NVL: variants seen among roughly 807,000 people sequenced by gnomAD.
NVL encodes the protein nuclear VCP like.
NVL carries 84 observed loss-of-function variants against 110.2 expected under a neutral mutation model. The ratio of observed to expected loss-of-function variants is 0.76; its 90% CI spans 0.64 to 0.91. NVL has a LOEUF of 0.91. Among genes scored for constraint, NVL ranks in the 40% least tolerant of loss-of-function variants. NVL has a pLI of 0.00. For missense variants in NVL, 882 were observed against 1,035.9 expected (o/e 0.85, Z 2.04); for synonymous variants, 354 against 361.1 (o/e 0.98, Z 0.22).
At chr1:224,255,788 C>G (rs1215411716) in intron 18 of NVL, among the ~76,000 whole-genome samples, 1 of 152,186 alleles carries the variant, frequency 6.6e-6, no homozygotes, top group African/African-American at 2.4e-5. Flanking sequence ...TATAGGAAAT[C>G]TTTGCTTAAT....
rs570988456 is a variant in NVL at position 224,235,924 on chromosome 1, C to A, written c.2366+582G>T. On this transcript the variant is annotated intron_variant, in intron 20 of 22. Coordinates refer to ENST00000281701, the MANE Select transcript of NVL (RefSeq NM_002533.4). ...CTCCAGCCTGGGTGAAAGAGGGAAACCCTGTATGGAAAAAAAAAAAAGAAA... is the reference window on the plus strand; with the variant it reads ...CTCCAGCCTGGGTGAAAGAGGGAAAACCTGTATGGAAAAAAAAAAAAGAAA... Among the ~76,000 whole-genome samples, 27 of 129,262 alleles carry A rather than the reference C, an allele frequency of 2.1e-4. 2 individuals carry two copies. In the South Asian group the frequency reaches 4.2e-3, roughly 20 times the overall value. 84.8% of individuals were successfully genotyped at this position (129,262 alleles called of 152,430 possible).
chr1:224,313,139 A>G (rs772097081), intron 4 of NVL: 3 of 292,132 alleles, frequency 1.0e-5, no homozygotes, highest in South Asian at 8.6e-5. Flanking sequence ...AGCCTGGGTG[A>G]CAGAGCGAGA....
Position 224,330,142 on chromosome 1 carries a change from A to C in NVL, c.-15T>G, listed in dbSNP as rs747865870. The C allele has an allele frequency of 1.1e-5, 17 of 1,613,682 alleles. No individual in the cohort carries two copies. Among genetic ancestry groups the C allele is most frequent in the Non-Finnish European group, 1.4e-5 (17 of 1,179,766 alleles). On this transcript the variant is annotated 5_prime_UTR_variant, in exon 1 of 23. Transcript: ENST00000281701. The stretch of plus-strand genomic sequence containing the variant: ...CTGGGCTTCATCGCGTCGGTCTTCC[A>C]AGCCACAGCTCGGACCGCCAGCTCC...
chr1:224,329,373 G>C (rs1671458730), intron 1 of NVL, among the ~76,000 whole-genome samples: 1 of 152,206 alleles, frequency 6.6e-6, no homozygotes, highest in Non-Finnish European at 1.5e-5. Context: ...TAAGAGAACA[G>C]TGGCACAGAG....
intron 18 of NVL, among the ~76,000 whole-genome samples, chr1:224,261,066 G>A (rs1663923455): frequency 6.6e-6 from 1 of 151,942 alleles, no homozygotes; most frequent in Non-Finnish European, 1.5e-5. Flanking sequence ...AGTAGAGACG[G>A]GGTTTCACCA....
At chr1:224,259,621 T>C (rs776705405) in intron 18 of NVL, among the ~76,000 whole-genome samples, 22 of 152,090 alleles carry the variant, frequency 1.4e-4, no homozygotes, top group Non-Finnish European at 3.1e-4. Context: ...CTACTCATGA[T>C]TCATTAAACA....
intron 18 of NVL, among the ~76,000 whole-genome samples, chr1:224,267,213 G>T (rs1171733869): frequency 6.6e-6 from 1 of 152,106 alleles, no homozygotes; most frequent in East Asian, 1.9e-4. Flanking sequence ...ATCCCTCAAA[G>T]AATGCTTAAC....
rs71572893 is a variant in NVL, at chr1:224,254,563, G to GTTT, written c.2183-4248_2183-4246dup. On this transcript the variant is annotated intron_variant, in intron 18 of 22. Coordinates refer to ENST00000281701, the MANE Select transcript of NVL (RefSeq NM_002533.4). ...ATGCACCACCATGCCCGGCTAATTTGTTTTTTTTGTTTTTTTTTTTTTTGT... is the reference window on the plus strand; with the variant it reads ...ATGCACCACCATGCCCGGCTAATTTGTTTTTTTTTTTGTTTTTTTTTTTTTTGT... Among the ~76,000 whole-genome samples the GTTT allele has an allele frequency of 6.9e-3, 253 of 36,694 alleles. 1 individual carries two copies. Among genetic ancestry groups the GTTT allele is most frequent in the African/African-American group, 0.013 (241 of 18,874 alleles). The allele number at this position is 36,694 out of a possible 152,430, so 24.1% of individuals were successfully genotyped here. A position where few individuals can be genotyped will look rare whatever the true frequency, so the allele number is the denominator to read the frequency against.
chr1:224,254,465 T>G (rs1662918822), intron 18 of NVL, among the ~76,000 whole-genome samples: 2 of 144,658 alleles, frequency 1.4e-5, no homozygotes, highest in African/African-American at 5.2e-5. Flanking sequence ...CAATCTCAGC[T>G]CACCGCAACC....
At chr1:224,283,283 C>T (rs1178291815) in intron 15 of NVL, among the ~76,000 whole-genome samples, 1 of 152,038 alleles carries the variant, frequency 6.6e-6, no homozygotes, top group African/African-American at 2.4e-5. Context: ...GTCAGGAGAT[C>T]GAGACCATCC....
intron 22 of NVL, among the ~76,000 whole-genome samples, chr1:224,228,670 T>C (rs1246397468): frequency 4.1e-5 from 6 of 144,764 alleles, no homozygotes; most frequent in Non-Finnish European, 9.1e-5. Context: ...CCGGGCGCGG[T>C]GGCTCACACC....
chr1:224,290,558 T>G (rs962499515), intron 12 of NVL, among the ~76,000 whole-genome samples: 1 of 151,972 alleles, frequency 6.6e-6, no homozygotes, highest in African/African-American at 2.4e-5. Flanking sequence ...ATCCCAGCAC[T>G]TTGGGAGGCC....
At chr1:224,307,698 C>CAAAAAAAAAAAAAAAAAAAAAAAAA (rs11366790) in intron 6 of NVL, among the ~76,000 whole-genome samples, 1 of 67,492 alleles carries the variant, frequency 1.5e-5, no homozygotes, top group Non-Finnish European at 2.8e-5. Flanking sequence ...GACCCAGTCT[C>CAAAAAAAAAAAAAAAAAAAAAAAAA]AAAAAAAAAA....
Position 224,317,949 on chromosome 1 carries a change from A to G in NVL, c.132-19T>C, listed in dbSNP as rs1294248846. Reference sequence around the variant, plus strand: ...GTCTATACTGAAAAAAGAAAACAAGAAGTTTACCATAGTAGTCTCCACCAA... The same window carrying G: ...GTCTATACTGAAAAAAGAAAACAAGGAGTTTACCATAGTAGTCTCCACCAA... On this transcript the variant is annotated intron_variant, in intron 2 of 22. Transcript: ENST00000281701. 1 of 1,548,518 alleles carries G rather than the reference A, an allele frequency of 6.5e-7. No homozygotes were observed. Among genetic ancestry groups the G allele is most frequent in the Admixed American group, 1.9e-5 (1 of 52,798 alleles).
intron 18 of NVL, among the ~76,000 whole-genome samples, chr1:224,255,183 T>G (rs1289871943): frequency 1.1e-3 from 4 of 3,604 alleles, no homozygotes; most frequent in Admixed American, 6.7e-3. Context: ...ATGGTGTAGG[T>G]TTTTTTTTTT....
chr1:224,229,366 T>C (rs1659608543), intron 22 of NVL, among the ~76,000 whole-genome samples: 1 of 152,072 alleles, frequency 6.6e-6, no homozygotes. Context: ...CACCATTTAG[T>C]GTTGCCAATA....
At chr1:224,279,012 A>G (rs1666053909) in intron 16 of NVL, among the ~76,000 whole-genome samples, 1 of 152,182 alleles carries the variant, frequency 6.6e-6, no homozygotes, top group Non-Finnish European at 1.5e-5. Context: ...GGTGTGAGCC[A>G]CTGTGCCCAG....
intron 11 of NVL, among the ~76,000 whole-genome samples, chr1:224,294,709 A>C (rs1667710405): frequency 6.6e-6 from 1 of 152,206 alleles, no homozygotes; most frequent in Non-Finnish European, 1.5e-5. Flanking sequence ...CACCATGGTA[A>C]TAAGAGAAAA....
chr1:224,301,465 C>T (rs1668399206), intron 9 of NVL, among the ~76,000 whole-genome samples: 1 of 152,058 alleles, frequency 6.6e-6, no homozygotes, highest in Non-Finnish European at 1.5e-5. Context: ...CAGATGTTTC[C>T]CACACATTCT....
Sources: gnomAD v4.1 joint callset for allele counts (sites outside exome capture counted in the v4.1 genomes callset) on GRCh38, gnomAD v4.1.1 for gene constraint, MANE v1.5 for transcripts, NCBI Gene and HGNC (gene_info 2026-07-23, HGNC 2026-07-21) for gene names.